Variants in ATXN7L1 observed in about 807,000 individuals in gnomAD.
ATXN7L1 encodes the protein ataxin 7 like 1, also known as ataxin-7-like protein 1.
Under a neutral mutation model 70.8 loss-of-function variants are expected in ATXN7L1, and 15 were observed. That is an observed-to-expected ratio of 0.21 (90% CI 0.14 to 0.33). ATXN7L1 has a LOEUF of 0.33. Ranked by LOEUF, ATXN7L1 falls within the 10% of genes least tolerant of loss-of-function variation. The pLI, the probability that ATXN7L1 is intolerant of heterozygous loss-of-function variation, is 1.00. For synonymous variants in ATXN7L1, 440 were observed against 445.1 expected (o/e 0.99, Z 0.14); for missense variants, 975 against 1,097.1 (o/e 0.89, Z 1.57).
chr7:105,689,467 A>G (rs142324743), intron 3 of ATXN7L1, among the ~76,000 whole-genome samples: 90 of 152,318 alleles, frequency 5.9e-4, no homozygotes, highest in African/African-American at 1.9e-3. Context: ...CCCAGCTCCA[A>G]CATAAAGGCC....
At position 105,618,775 on chromosome 7, in the gene ATXN7L1, G is replaced by C. The variant is rs140553301; in HGVS notation, c.1517+1425C>G. 5.9e-3 allele frequency among the ~76,000 whole-genome samples: 904 copies of C among 152,284 alleles called. 9 individuals are homozygous for C. The highest frequency in any genetic ancestry group is 0.021 in the African/African-American group (862 of 41,548). ...CTTGAGAGCTCACCTTTGTAGGAGT[G>C]GGGGATGGGGATACCCAGTGGGCCG... On this transcript the variant is annotated intron_variant, in intron 9 of 11. Transcript: ENST00000419735.
intron 3 of ATXN7L1, among the ~76,000 whole-genome samples, chr7:105,665,755 C>T (rs901353860): frequency 3.3e-5 from 5 of 152,188 alleles, no homozygotes; most frequent in South Asian, 2.1e-4. Context: ...TAAAGTAAGA[C>T]GGACCAGCAG....
intron 2 of ATXN7L1, among the ~76,000 whole-genome samples, chr7:105,844,313 T>C (rs1813653888): frequency 6.6e-6 from 1 of 152,166 alleles, no homozygotes; most frequent in African/African-American, 2.4e-5. Flanking sequence ...CTTCTGAACA[T>C]AGACATAAAA....
intron 9 of ATXN7L1, among the ~76,000 whole-genome samples, chr7:105,619,776 G>C: frequency 6.6e-6 from 1 of 151,216 alleles, no homozygotes; most frequent in Non-Finnish European, 1.5e-5. Flanking sequence ...CAGGCTGATC[G>C]CAAACTCCTG....
intron 2 of ATXN7L1, among the ~76,000 whole-genome samples, chr7:105,814,833 T>G (rs1311968479): frequency 1.3e-5 from 2 of 152,332 alleles, no homozygotes; most frequent in South Asian, 4.1e-4. Flanking sequence ...TACAAATAAA[T>G]TCTTTAAATA....
At chr7:105,737,527 CCGTGTGTGTGTG>C (rs1797523901) in intron 3 of ATXN7L1, among the ~76,000 whole-genome samples, 1 of 116,712 alleles carries the variant, frequency 8.6e-6, no homozygotes, top group South Asian at 3.4e-4. Context: ...ACTAACGTCC[CCGTGTGTGTGTG>C]TGTGTGTGTG....
At chr7:105,776,475 AAAAC>A (rs952148228) in intron 3 of ATXN7L1, among the ~76,000 whole-genome samples, 10 of 139,186 alleles carry the variant, frequency 7.2e-5, no homozygotes, top group East Asian at 4.3e-4. Context: ...TTTTTTAAGA[AAAAC>A]AAACAAACAA....
intron 3 of ATXN7L1, among the ~76,000 whole-genome samples, chr7:105,719,006 T>A (rs1794888426): frequency 6.6e-6 from 1 of 152,148 alleles, no homozygotes; most frequent in African/African-American, 2.4e-5. Flanking sequence ...GTTTCCATGT[T>A]ACATCCTGAT....
intron 3 of ATXN7L1, among the ~76,000 whole-genome samples, chr7:105,733,406 C>T (rs66755434): frequency 0.25 from 38,365 of 152,094 alleles, 6,052 homozygotes; most frequent in East Asian, 0.45. Flanking sequence ...CTGAGTGGGT[C>T]CTATATGTCA....
At chr7:105,719,678 C>G (rs1403633324) in intron 3 of ATXN7L1, among the ~76,000 whole-genome samples, 4 of 152,154 alleles carry the variant, frequency 2.6e-5, no homozygotes, top group African/African-American at 7.2e-5. Flanking sequence ...TTGGGGAAAT[C>G]TGATACCTAT....
At chr7:105,716,377 C>T (rs1040991148) in intron 3 of ATXN7L1, among the ~76,000 whole-genome samples, 4 of 152,156 alleles carry the variant, frequency 2.6e-5, no homozygotes, top group East Asian at 1.9e-4. Flanking sequence ...TCATTCTTCC[C>T]GCAGCGTTTG....
chr7:105,613,252 C>T lies in ATXN7L1; in HGVS notation c.2472+610G>A, dbSNP rs534760386. 3.1e-4 allele frequency among the ~76,000 whole-genome samples: 47 copies of T among 152,338 alleles called. No individual in the cohort carries two copies. The South Asian group carries it at 8.7e-3, about 28-fold the overall frequency. On this transcript the variant is annotated intron_variant, in intron 10 of 11. Transcript: ENST00000419735. ...CTCCTATCTGCACCATGGCATTGAA[C>T]ACTTCTTTGCCAGCTGGTGACAGTT...
intron 2 of ATXN7L1, among the ~76,000 whole-genome samples, chr7:105,865,558 T>C (rs149944366): frequency 1.4e-3 from 207 of 152,122 alleles, no homozygotes; most frequent in African/African-American, 4.7e-3. Context: ...CGTGCCACCA[T>C]ACCCAGCTAA....
intron 2 of ATXN7L1, among the ~76,000 whole-genome samples, chr7:105,863,362 G>A (rs186788286): frequency 5.8e-4 from 89 of 152,356 alleles, no homozygotes; most frequent in African/African-American, 2.1e-3. Context: ...GAGGCCACTG[G>A]CTTACACAGT....
chr7:105,664,928 T>C (rs980490029), intron 4 of ATXN7L1, 138 bp downstream of exon 4: 3 of 884,824 alleles, frequency 3.4e-6, no homozygotes, highest in Middle Eastern at 3.5e-4. Flanking sequence ...TTTGGGTTTC[T>C]GTCCTTTCAT....
rs1299608828 is a variant in ATXN7L1 at position 105,614,990 on chromosome 7, AC to A, written c.1518-175del. The stretch of plus-strand genomic sequence containing the variant: ...CTGAAGCATGGCCCCTCCTTATGGC[AC>A]CCCCCATTGCAACATCCAGCAACCT... On this transcript the variant is annotated intron_variant, in intron 9 of 11. Coordinates refer to ENST00000419735, the MANE Select transcript of ATXN7L1 (RefSeq NM_020725.2). This position sits in a 1 kb window ranked among gnomAD's most constrained non-coding sequence, Gnocchi z 4.3. Among the ~76,000 whole-genome samples the A allele has an allele frequency of 6.6e-6, 1 of 151,746 alleles. No individual in the cohort carries two copies. Among genetic ancestry groups the A allele is most frequent in the South Asian group, 2.1e-4 (1 of 4,808 alleles).
intron 7 of ATXN7L1, among the ~76,000 whole-genome samples, chr7:105,628,095 G>A (rs1171981253): frequency 6.6e-6 from 1 of 151,462 alleles, no homozygotes; most frequent in African/African-American, 2.4e-5. Context: ...CACCCGTCTC[G>A]GCCTCCCAAA....
chr7:105,638,596 C>A lies in ATXN7L1; in HGVS notation c.959G>T (p.Ser320Ile). The change falls in exon 7 of 12, where the codon AGC (serine) becomes ATC (isoleucine). Residue 320 changes from serine (S) to isoleucine (I), a missense_variant. Physicochemically the swap from Ser to Ile is moderately radical, Grantham distance 142. Around this residue, in one of 5 missense-constraint regions of ATXN7L1, gnomAD observed 6 missense variants for 24.7 expected, o/e 0.24. Coordinates refer to ENST00000419735, the MANE Select transcript of ATXN7L1 (RefSeq NM_020725.2). ...CCGGCCTGGGACTGCCCTCCGATGG[C>A]TTAGCGAATGTGTCTAAGGAGAAGA... ...RSLTCKTHSLSHRRAVPGRKK... is the reference protein window; with the variant it reads ...RSLTCKTHSLIHRRAVPGRKK... The A allele has an allele frequency of 6.4e-7, 1 of 1,551,520 alleles. No homozygotes were observed. Among genetic ancestry groups the A allele is most frequent in the Non-Finnish European group, 8.7e-7 (1 of 1,146,922 alleles).
intron 3 of ATXN7L1, chr7:105,679,201 AC>A (rs1319943551): frequency 5.6e-5 from 53 of 947,446 alleles, no homozygotes; most frequent in Non-Finnish European, 6.4e-5. Context: ...GCACGCCCAG[AC>A]GAGATTAGGG....
Sources: gnomAD v4.1 joint callset for allele counts (sites outside exome capture counted in the v4.1 genomes callset) on GRCh38, gnomAD v4.1.1 for gene constraint, gnomAD v4.1.1 regional missense constraint, Gnocchi (gnomAD v3.1) non-coding constraint, MANE v1.5 for transcripts, NCBI Gene and HGNC (gene_info 2026-07-23, HGNC 2026-07-21) for gene names.